The following PHKB variants were observed in gnomAD, a reference collection of about 807,000 sequenced individuals.
PHKB encodes the protein phosphorylase b kinase regulatory subunit beta.
Under a neutral mutation model 152.1 loss-of-function variants are expected in PHKB, and 122 were observed. The observed-to-expected ratio is 0.80, with a 90% confidence interval of 0.69 to 0.93. PHKB has a LOEUF of 0.93. Ranked by LOEUF, PHKB falls within the 40% of genes least tolerant of loss-of-function variation. PHKB has a pLI of 0.00. For missense variants in PHKB, 1,304 were observed against 1,328.4 expected, an observed-to-expected ratio of 0.98 and a Z score of 0.29; for synonymous variants, 436 against 464.9, an observed-to-expected ratio of 0.94 and a Z score of 0.80.
chr16:47,654,858 C>T (rs913115149), intron 20 of PHKB, among the ~76,000 whole-genome samples: 8 of 150,856 alleles, frequency 5.3e-5, no homozygotes, highest in African/African-American at 1.5e-4. Context: ...TGCTAAATGA[C>T]GAGTTAATGG....
intron 7 of PHKB, chr16:47,565,587 C>G: frequency 9.4e-7 from 1 of 1,064,166 alleles, no homozygotes; most frequent in East Asian, 2.4e-5. Flanking sequence ...CTAAAGACTT[C>G]TCACTCTCCC....
chr16:47,579,959 T>G (rs1167791895), intron 7 of PHKB, among the ~76,000 whole-genome samples: 1 of 152,172 alleles, frequency 6.6e-6, no homozygotes, highest in East Asian at 1.9e-4. Context: ...ATTACTGCAC[T>G]TATCATCATA....
At chr16:47,530,835 T>C (rs1197791761) in intron 6 of PHKB, among the ~76,000 whole-genome samples, 3 of 152,214 alleles carry the variant, frequency 2.0e-5, no homozygotes, top group Non-Finnish European at 1.5e-5. Context: ...ATAATGTCAA[T>C]ACACAAGAAT....
At chr16:47,522,101 T>C (rs1970695026) in intron 6 of PHKB, among the ~76,000 whole-genome samples, 1 of 152,178 alleles carries the variant, frequency 6.6e-6, no homozygotes, top group Non-Finnish European at 1.5e-5. Flanking sequence ...ACTCCTAGGA[T>C]GGGTTAGGAA....
At chr16:47,548,924 CT>C (rs1177574384) in intron 7 of PHKB, among the ~76,000 whole-genome samples, 5 of 152,068 alleles carry the variant, frequency 3.3e-5, no homozygotes, top group Non-Finnish European at 7.4e-5. Flanking sequence ...TGCTAGTGTA[CT>C]TACACATTTA....
chr16:47,537,154 T>G (rs1021314558), intron 6 of PHKB, among the ~76,000 whole-genome samples: 3 of 152,246 alleles, frequency 2.0e-5, no homozygotes, highest in African/African-American at 7.2e-5. Flanking sequence ...GCAGCCTTCC[T>G]GTGGAATGAA....
intron 1 of PHKB, among the ~76,000 whole-genome samples, chr16:47,487,909 A>G (rs1187086669): frequency 2.0e-5 from 3 of 152,164 alleles, no homozygotes; most frequent in African/African-American, 7.2e-5. Context: ...ATACACATGC[A>G]TGTGTCTTTA....
chr16:47,589,203 A>G (rs1971986573), intron 10 of PHKB, 101 bp downstream of exon 10: 3 of 820,828 alleles, frequency 3.7e-6, no homozygotes, highest in African/African-American at 1.7e-5. Context: ...GCTACTTACT[A>G]GCTATGTGGC....
At chr16:47,555,577 T>C (rs1166198688) in intron 7 of PHKB, among the ~76,000 whole-genome samples, 1 of 152,246 alleles carries the variant, frequency 6.6e-6, no homozygotes, top group Non-Finnish European at 1.5e-5. Context: ...CAATGTTCTA[T>C]TGATATTAGT....
intron 14 of PHKB, among the ~76,000 whole-genome samples, chr16:47,631,852 C>T (rs1168286461): frequency 6.6e-6 from 1 of 152,088 alleles, no homozygotes; most frequent in Non-Finnish European, 1.5e-5. Context: ...TGTATATGTG[C>T]CACATTTTCT....
chr16:47,608,198 CA>C (rs1378969315), intron 13 of PHKB, among the ~76,000 whole-genome samples: 1 of 152,058 alleles, frequency 6.6e-6, no homozygotes, highest in African/African-American at 2.4e-5. Context: ...TGATGAAATC[CA>C]ATTTATCTCT....
chr16:47,612,276 C>G (rs1049438431), intron 14 of PHKB, among the ~76,000 whole-genome samples: 8 of 152,122 alleles, frequency 5.3e-5, no homozygotes, highest in African/African-American at 1.7e-4. Flanking sequence ...GTGATGAAAC[C>G]TCAAAGCCTT....
At chr16:47,583,062 G>T (rs1431534608) in intron 8 of PHKB, among the ~76,000 whole-genome samples, 1 of 152,202 alleles carries the variant, frequency 6.6e-6, no homozygotes, top group East Asian at 1.9e-4. Context: ...CTCCCAAAGT[G>T]CTGGGATTAC....
At chr16:47,601,444 G>A (rs1467455426) in intron 13 of PHKB, among the ~76,000 whole-genome samples, 1 of 152,062 alleles carries the variant, frequency 6.6e-6, no homozygotes, top group Admixed American at 6.6e-5. Context: ...GGTGGCTCAT[G>A]CCTGTAATCC....
chr16:47,472,751 C>T (rs1468658226), intron 1 of PHKB, among the ~76,000 whole-genome samples: 1 of 151,880 alleles, frequency 6.6e-6, no homozygotes, highest in Non-Finnish European at 1.5e-5. Context: ...CACTGCACTC[C>T]AGCCTGGGCG....
chr16:47,580,423 C>A (rs1001132875), intron 8 of PHKB, 65 bp downstream of exon 8: 4 of 1,169,352 alleles, frequency 3.4e-6, no homozygotes, highest in Non-Finnish European at 5.2e-6. Flanking sequence ...TTTGGCTATT[C>A]ATTAACAAAG....
intron 7 of PHKB, among the ~76,000 whole-genome samples, chr16:47,552,888 T>C (rs1405465654): frequency 3.9e-5 from 6 of 152,184 alleles, no homozygotes; most frequent in Non-Finnish European, 8.8e-5. Context: ...ATGTAGGGTT[T>C]CTGCAGAGAG....
intron 25 of PHKB, 101 bp downstream of exon 25, chr16:47,665,076 G>A: frequency 1.3e-6 from 1 of 764,424 alleles, no homozygotes; most frequent in South Asian, 1.5e-5. Context: ...GTGTGTGGGT[G>A]AAAGCTTCTC....
rs1053024062 is a variant in PHKB at position 47,557,213 on chromosome 16, A to G, written c.710+9665A>G. ...ATCTGAAACTGGATCCCTTCCTTAC[A>G]CCTTATACAAAAATTAATTCAAGAT... On this transcript the variant is annotated intron_variant, in intron 7 of 30. Coordinates refer to ENST00000323584, the MANE Select transcript of PHKB (RefSeq NM_000293.3). Among the ~76,000 whole-genome samples, 27 of 152,136 alleles carry G rather than the reference A, an allele frequency of 1.8e-4. 1 individual carries two copies. The highest frequency in any genetic ancestry group is 1.7e-3 in the Admixed American group (26 of 15,258).
Sources: allele counts gnomAD v4.1 joint callset (sites outside exome capture counted in the v4.1 genomes callset), GRCh38; gene constraint gnomAD v4.1.1; transcripts MANE v1.5; gene names NCBI Gene and HGNC (gene_info 2026-07-23, HGNC 2026-07-21).